The following PRKCH variants were observed in gnomAD, a reference collection of about 807,000 sequenced individuals.
The protein encoded by PRKCH is protein kinase C eta.
A neutral mutation model predicts 82.5 loss-of-function variants in PRKCH; 28 were observed. That is an observed-to-expected ratio of 0.34 (90% confidence interval 0.25 to 0.47). PRKCH has a LOEUF of 0.47. Among genes scored for constraint, PRKCH ranks in the 20% least tolerant of loss-of-function variants. The pLI is 1.00. For missense variants in PRKCH, 705 were observed against 881.8 expected, an observed-to-expected ratio of 0.80 and a Z score of 2.54; for synonymous variants, 322 against 327.4, an observed-to-expected ratio of 0.98 and a Z score of 0.18.
intron 1 of PRKCH, among the ~76,000 whole-genome samples, chr14:61,384,729 T>TC (rs1235620454): frequency 6.6e-5 from 10 of 151,992 alleles, no homozygotes; most frequent in Non-Finnish European, 1.3e-4. Context: ...TGGGAATCAT[T>TC]CAGTCAAGAA....
intron 10 of PRKCH, among the ~76,000 whole-genome samples, chr14:61,518,570 G>A (rs539605320): frequency 2.8e-4 from 43 of 152,268 alleles, no homozygotes; most frequent in African/African-American, 9.9e-4. Context: ...ATTTCCTCTT[G>A]TATTTGTCCA....
intron 1 of PRKCH, among the ~76,000 whole-genome samples, chr14:61,217,370 C>A (rs1374255179): frequency 6.6e-6 from 1 of 152,110 alleles, no homozygotes; most frequent in Non-Finnish European, 1.5e-5. Flanking sequence ...CATGTTCATG[C>A]CACTACACTC....
At position 61,232,653 on chromosome 14, in the gene PRKCH, T is replaced by G. The variant is rs2140060320; in HGVS notation, c.-19+44985T>G. On this transcript the variant is annotated intron_variant, in intron 1 of 3. Transcript: ENST00000555185. ...GAATCCCCAGTATGTAGAAGTGTTC[T>G]GTTCCCCTTCTTTGATGCTCCCCCT... 2.0e-5 allele frequency among the ~76,000 whole-genome samples: 3 copies of G among 152,374 alleles called. No homozygotes were observed. The South Asian group carries it at 6.2e-4, about 32-fold the overall frequency.
In PRKCH at chr14:61,321,796, A is replaced by T. The variant is rs1425571233; in HGVS notation, c.-306A>T. Reference sequence around the variant, plus strand: ...GGAGAGGAGCTGCCCGGCCCTGGAGAAGGGGCGAGTCCTGCGCGAGTCCCC... The same window carrying T: ...GGAGAGGAGCTGCCCGGCCCTGGAGTAGGGGCGAGTCCTGCGCGAGTCCCC... On this transcript the variant is annotated 5_prime_UTR_variant, in exon 1 of 14. Coordinates refer to ENST00000332981, the MANE Select transcript of PRKCH (RefSeq NM_006255.5). This position sits in a 1 kb window ranked among gnomAD's most constrained non-coding sequence, Gnocchi z 4.1. 1 of 259,208 alleles carries T rather than the reference A, an allele frequency of 3.9e-6. No individual in the cohort carries two copies. The highest frequency in any genetic ancestry group is 7.5e-6 in the Non-Finnish European group (1 of 133,988). 16.1% of individuals were successfully genotyped at this position (259,208 alleles called of 1,614,324 possible). A position where few individuals can be genotyped will look rare whatever the true frequency, so the allele number is the denominator to read the frequency against.
At chr14:61,526,407 C>T (rs956475330) in intron 10 of PRKCH, among the ~76,000 whole-genome samples, 1 of 152,210 alleles carries the variant, frequency 6.6e-6, no homozygotes, top group Non-Finnish European at 1.5e-5. Flanking sequence ...TTCTATGTTC[C>T]ATTGATCTGT....
At chr14:61,431,738 CA>C (rs1347488424) in intron 2 of PRKCH, among the ~76,000 whole-genome samples, 1 of 152,214 alleles carries the variant, frequency 6.6e-6, no homozygotes, top group Non-Finnish European at 1.5e-5. Context: ...TGAATATATA[CA>C]AATATACTGT....
intron 1 of PRKCH, among the ~76,000 whole-genome samples, chr14:61,288,744 G>A (rs2045336742): frequency 6.6e-6 from 1 of 152,232 alleles, no homozygotes; most frequent in Admixed American, 6.5e-5. Context: ...GCTCTGATGT[G>A]ATGATAGGAG....
chr14:61,421,681 T>C (rs1196910606), intron 2 of PRKCH, among the ~76,000 whole-genome samples: 1 of 152,166 alleles, frequency 6.6e-6, no homozygotes, highest in Non-Finnish European at 1.5e-5. Context: ...TCTTACTAAT[T>C]TATGGAAACA....
chr14:61,287,716 A>C (rs898715079), intron 1 of PRKCH, among the ~76,000 whole-genome samples: 2 of 151,956 alleles, frequency 1.3e-5, no homozygotes, highest in Non-Finnish European at 2.9e-5. Flanking sequence ...TCTCAAGGAA[A>C]AAAAAAAAAG....
chr14:61,457,150 G>C (rs746117196), intron 7 of PRKCH, 26 bp from the exon 8 acceptor site: 2 of 1,611,174 alleles, frequency 1.2e-6, no homozygotes, highest in Non-Finnish European at 1.7e-6. Flanking sequence ...TGCAATTTCT[G>C]ACTTAATGTG....
intron 1 of PRKCH, among the ~76,000 whole-genome samples, chr14:61,262,565 G>A (rs1405262361): frequency 6.6e-6 from 1 of 152,176 alleles, no homozygotes; most frequent in Non-Finnish European, 1.5e-5. Context: ...GGGGCACAAA[G>A]AAACTTTTTG....
At chr14:61,253,415 A>T (rs946117542) in intron 1 of PRKCH, among the ~76,000 whole-genome samples, 16 of 151,900 alleles carry the variant, frequency 1.1e-4, no homozygotes, top group African/African-American at 3.6e-4. Flanking sequence ...TGTTTGAGAT[A>T]GGTCAGCAGG....
chr14:61,547,305 G>C (rs1566938689), intron 12 of PRKCH, among the ~76,000 whole-genome samples: 1 of 152,118 alleles, frequency 6.6e-6, no homozygotes, highest in Non-Finnish European at 1.5e-5. Context: ...TCTCGTCAGA[G>C]AGCAGGAATC....
chr14:61,256,184 C>T (rs1053514001), intron 1 of PRKCH, among the ~76,000 whole-genome samples: 2 of 152,206 alleles, frequency 1.3e-5, no homozygotes, highest in African/African-American at 4.8e-5. Context: ...ATTTCTGTCT[C>T]ATCACCAGAG....
At position 61,322,283 on chromosome 14, in the gene PRKCH, A is replaced by G; in HGVS notation, c.182A>G (p.Gln61Arg). 1 of 1,613,186 alleles carries G rather than the reference A, an allele frequency of 6.2e-7. No individual in the cohort carries two copies. The highest frequency in any genetic ancestry group is 8.5e-7 in the Non-Finnish European group (1 of 1,179,800). Residue 61 changes from glutamine to arginine, a missense_variant, in exon 1 of 14, where the codon CAG (glutamine) becomes CGG (arginine). Physicochemically the swap from Gln to Arg is conservative, Grantham distance 43. Coordinates refer to ENST00000332981, the MANE Select transcript of PRKCH (RefSeq NM_006255.5). Reference protein sequence around the residue: ...QVRVGQTSTKQKTNKPTYNEE... With the variant: ...QVRVGQTSTKRKTNKPTYNEE... ...CGCGTGGGCCAGACCAGCACCAAGC[A>G]GAAGACCAACAAACCCACGTACAAC... is the stretch of plus-strand genomic sequence containing the variant.
chr14:61,387,969 G>A (rs916798157), intron 1 of PRKCH, among the ~76,000 whole-genome samples: 3 of 151,988 alleles, frequency 2.0e-5, no homozygotes, highest in Non-Finnish European at 4.4e-5. Flanking sequence ...CCAACATGGC[G>A]AAACCCCATC....
intron 1 of PRKCH, among the ~76,000 whole-genome samples, chr14:61,226,561 C>T (rs1056696685): frequency 1.3e-5 from 2 of 152,186 alleles, no homozygotes; most frequent in African/African-American, 2.4e-5. Context: ...CAACTGTGTC[C>T]TGCTCCTTTT....
intron 2 of PRKCH, among the ~76,000 whole-genome samples, chr14:61,408,839 C>T (rs1003869799): frequency 4.6e-5 from 7 of 152,068 alleles, no homozygotes; most frequent in Admixed American, 2.6e-4. Flanking sequence ...TGAACGTCAC[C>T]GGATAGACGT....
chr14:61,356,454 G>A (rs1319750393), intron 1 of PRKCH, among the ~76,000 whole-genome samples: 1 of 152,162 alleles, frequency 6.6e-6, no homozygotes, highest in East Asian at 1.9e-4. Flanking sequence ...CCAAATTTCT[G>A]TGAAATCTGA....
Sources: allele counts gnomAD v4.1 joint callset (sites outside exome capture counted in the v4.1 genomes callset), GRCh38; gene constraint gnomAD v4.1.1; non-coding constraint Gnocchi (gnomAD v3.1); transcripts MANE v1.5; gene names NCBI Gene and HGNC (gene_info 2026-07-23, HGNC 2026-07-21).